PCDH15: variants seen among roughly 807,000 people sequenced by gnomAD.
PCDH15 encodes the protein protocadherin related 15.
Under a neutral mutation model 178.5 loss-of-function variants are expected in PCDH15, and 129 were observed. The ratio of observed to expected loss-of-function variants is 0.72; its 90% CI spans 0.63 to 0.84. The LOEUF (loss-of-function observed/expected upper bound fraction) is 0.84. PCDH15 is among the 40% of genes least tolerant of loss of function. PCDH15 has a pLI of 0.00. For synonymous variants in PCDH15, 800 were observed against 732.0 expected (o/e 1.09, Z -1.50); for missense variants, 2,230 against 2,099.9 (o/e 1.06, Z -1.21).
chr10:53,961,344 T>C (rs2088288272), intron 22 of PCDH15, among the ~76,000 whole-genome samples: 1 of 151,998 alleles, frequency 6.6e-6, no homozygotes, highest in African/African-American at 2.4e-5. Flanking sequence ...CAACTCAGTA[T>C]TATATTAAAA....
chr10:54,979,096 G>C (rs1839152691), intron 2 of PCDH15, among the ~76,000 whole-genome samples: 1 of 152,024 alleles, frequency 6.6e-6, no homozygotes, highest in Admixed American at 6.6e-5. Flanking sequence ...AATTGCCCAA[G>C]GTCACATATG....
intron 31 of PCDH15, among the ~76,000 whole-genome samples, chr10:53,828,207 C>CAAAAAAAAAA (rs71004480): frequency 4.3e-4 from 23 of 53,770 alleles, no homozygotes; most frequent in African/African-American, 1.5e-3. Context: ...AAGTCCGTCT[C>CAAAAAAAAAA]AAAAAAAAAA....
chr10:54,159,170 A>G (rs2045463998), intron 13 of PCDH15, among the ~76,000 whole-genome samples: 1 of 151,510 alleles, frequency 6.6e-6, no homozygotes, highest in African/African-American at 2.4e-5. Context: ...TGATCATTTG[A>G]TGTTTTTGCC....
At chr10:54,249,299 C>A (rs1301754891) in intron 8 of PCDH15, among the ~76,000 whole-genome samples, 1 of 151,932 alleles carries the variant, frequency 6.6e-6, no homozygotes, top group African/African-American at 2.4e-5. Context: ...TTTCCAAACC[C>A]ACTAATGTCA....
intron 25 of PCDH15, among the ~76,000 whole-genome samples, chr10:53,928,968 G>A (rs1011846427): frequency 2.0e-5 from 3 of 151,992 alleles, no homozygotes; most frequent in African/African-American, 7.2e-5. Flanking sequence ...GTATAAGAAG[G>A]AGAACTATTT....
At chr10:54,425,981 C>T (rs768509712) in intron 3 of PCDH15, among the ~76,000 whole-genome samples, 1 of 152,058 alleles carries the variant, frequency 6.6e-6, no homozygotes, top group African/African-American at 2.4e-5. Context: ...TAATAAGAGC[C>T]TTCCACATTA....
At chr10:54,967,145 T>TA (rs1175065745) in intron 2 of PCDH15, among the ~76,000 whole-genome samples, 1 of 151,966 alleles carries the variant, frequency 6.6e-6, no homozygotes, top group African/African-American at 2.4e-5. Flanking sequence ...ACTAAATGTA[T>TA]AAAAAAACTA....
intron 3 of PCDH15, among the ~76,000 whole-genome samples, chr10:54,513,385 C>A (rs567736723): frequency 1.5e-3 from 234 of 151,964 alleles, no homozygotes; most frequent in Middle Eastern, 6.8e-3. Context: ...CTCGGCCTCC[C>A]AAGTAGCTGA....
chr10:54,882,591 TCTAATAA>T (rs1954283941), intron 3 of PCDH15, among the ~76,000 whole-genome samples: 1 of 152,092 alleles, frequency 6.6e-6, no homozygotes, highest in African/African-American at 2.4e-5. Flanking sequence ...TCTCATTCTT[TCTAATAA>T]TATGTTATAT....
At chr10:55,087,640 A>T (rs947708762) in intron 2 of PCDH15, among the ~76,000 whole-genome samples, 2 of 152,162 alleles carry the variant, frequency 1.3e-5, no homozygotes, top group African/African-American at 4.8e-5. Context: ...ACAGACTGTT[A>T]TGGTAAACAG....
intron 1 of PCDH15, among the ~76,000 whole-genome samples, chr10:55,270,425 TAAAC>T (rs1842412347): frequency 1.4e-5 from 2 of 146,744 alleles, no homozygotes; most frequent in African/African-American, 5.1e-5. Flanking sequence ...GTAAGGAACT[TAAAC>T]AAAACAAAAT....
intron 3 of PCDH15, among the ~76,000 whole-genome samples, chr10:54,495,682 A>T (rs9415341): frequency 0.044 from 6,748 of 151,980 alleles, 481 homozygotes; most frequent in African/African-American, 0.15. Flanking sequence ...TCACCTTTGG[A>T]TTCTCTCTTA....
intron 2 of PCDH15, among the ~76,000 whole-genome samples, chr10:54,996,842 G>A (rs1468880015): frequency 6.6e-6 from 1 of 152,030 alleles, no homozygotes; most frequent in Non-Finnish European, 1.5e-5. Flanking sequence ...TGGGCGCGGT[G>A]GCTCACACCT....
At chr10:54,972,532 C>T (rs957267690) in intron 2 of PCDH15, among the ~76,000 whole-genome samples, 10 of 146,602 alleles carry the variant, frequency 6.8e-5, no homozygotes, top group Admixed American at 2.8e-4. Context: ...AAGAGCAAGA[C>T]TTTGTCTCAA....
intron 2 of PCDH15, among the ~76,000 whole-genome samples, chr10:55,327,780 A>G (rs898626035): frequency 6.6e-5 from 10 of 152,064 alleles, no homozygotes. Flanking sequence ...CTGGAAACTA[A>G]AGCCATGATA....
chr10:55,252,482 A>C (rs1841864862), intron 1 of PCDH15, among the ~76,000 whole-genome samples: 1 of 152,132 alleles, frequency 6.6e-6, no homozygotes, highest in Non-Finnish European at 1.5e-5. Flanking sequence ...AAAATATTGG[A>C]ACTGATCACA....
intron 13 of PCDH15, among the ~76,000 whole-genome samples, chr10:54,164,773 A>G (rs959031038): frequency 1.3e-5 from 2 of 152,200 alleles, no homozygotes; most frequent in Admixed American, 1.3e-4. Flanking sequence ...GCAAGTGGGT[A>G]ACACATAATG....
intron 1 of PCDH15, among the ~76,000 whole-genome samples, chr10:54,736,282 G>A (rs940072126): frequency 2.6e-5 from 4 of 151,924 alleles, no homozygotes; most frequent in Non-Finnish European, 5.9e-5. Context: ...TCAGAATCAG[G>A]TTTGCCATTT....
chr10:55,160,888 A>C (rs1839048698), intron 2 of PCDH15, among the ~76,000 whole-genome samples: 1 of 152,130 alleles, frequency 6.6e-6, no homozygotes, highest in African/African-American at 2.4e-5. Flanking sequence ...CCTTGCCTGC[A>C]TTATCTGTCA....
Sources: allele counts gnomAD v4.1 joint callset (sites outside exome capture counted in the v4.1 genomes callset), GRCh38; gene constraint gnomAD v4.1.1; transcripts MANE v1.5; gene names NCBI Gene and HGNC (gene_info 2026-07-23, HGNC 2026-07-21).